The following ITGAV variants were observed in gnomAD, a reference collection of about 807,000 sequenced individuals.
The protein encoded by ITGAV is integrin subunit alpha V.
A neutral mutation model predicts 143.8 loss-of-function variants in ITGAV; 76 were observed. The observed-to-expected ratio is 0.53, with a 90% CI of 0.44 to 0.64. ITGAV has a LOEUF of 0.64. ITGAV is among the 30% of genes least tolerant of loss of function. ITGAV has a pLI of 0.00. For missense variants in ITGAV, 1,193 were observed against 1,274.7 expected (o/e 0.94, Z 0.98); for synonymous variants, 453 against 446.7 (o/e 1.01, Z -0.18).
At chr2:186,631,670 A>G (rs1029122540) in intron 5 of ITGAV, among the ~76,000 whole-genome samples, 6 of 152,188 alleles carry the variant, frequency 3.9e-5, no homozygotes, top group Non-Finnish European at 1.5e-5. Flanking sequence ...GAGTGCCTTA[A>G]ATGTATGAAA....
chr2:186,608,855 G>T (rs1375306254), intron 2 of ITGAV, among the ~76,000 whole-genome samples: 1 of 151,994 alleles, frequency 6.6e-6, no homozygotes, highest in Non-Finnish European at 1.5e-5. Context: ...TAACTTAACA[G>T]TTATCTGAAA....
At position 186,636,223 on chromosome 2, in the gene ITGAV, A is replaced by C. The variant is rs61765168; in HGVS notation, c.757+16A>C. On this transcript the variant is annotated intron_variant, in intron 7 of 29. Coordinates refer to ENST00000261023, the MANE Select transcript of ITGAV (RefSeq NM_002210.5). Reference sequence around the variant, plus strand: ...AGCTATTTGGGTAGGTAAAACCAAAATTTACTCATTTTTGGAACTGTGGTA... The same window carrying C: ...AGCTATTTGGGTAGGTAAAACCAAACTTTACTCATTTTTGGAACTGTGGTA... 12 of 1,603,728 alleles carry C rather than the reference A, an allele frequency of 7.5e-6. No homozygotes were observed. Among genetic ancestry groups the C allele is most frequent in the Non-Finnish European group, 7.7e-6 (9 of 1,176,046 alleles).
intron 1 of ITGAV, 55 bp from the exon 2 acceptor site, chr2:186,601,965 GA>G (rs1231747236): frequency 2.3e-5 from 36 of 1,538,332 alleles, no homozygotes; most frequent in Non-Finnish European, 3.1e-5. Flanking sequence ...TAAATCAGAA[GA>G]TATTGCTTAC....
chr2:186,633,410 A>G lies in ITGAV; in HGVS notation c.631+36A>G, dbSNP rs368508183. On this transcript the variant is annotated intron_variant, in intron 6 of 29. Transcript: ENST00000261023. ...ATTTTTTAAATTACAATTGGTGACT[A>G]TGTGTCGCTGATTCACCTGGCTAAT... The G allele has an allele frequency of 2.2e-5, 28 of 1,298,936 alleles. No individual in the cohort carries two copies. The East Asian group carries it at 2.6e-4, about 12-fold the overall frequency. The allele number at this position is 1,298,936 out of a possible 1,614,324, so 80.5% of individuals were successfully genotyped here.
At chr2:186,620,723 A>C (rs778567581) in intron 2 of ITGAV, among the ~76,000 whole-genome samples, 8 of 152,190 alleles carry the variant, frequency 5.3e-5, no homozygotes, top group Non-Finnish European at 8.8e-5. Context: ...TGATCACACT[A>C]CTGCCCTCCA....
chr2:186,634,865 G>A (rs1264319623), intron 6 of ITGAV, among the ~76,000 whole-genome samples: 1 of 152,092 alleles, frequency 6.6e-6, no homozygotes, highest in African/African-American at 2.4e-5. Context: ...TCAGTGGAGG[G>A]GAAGGAAGTA....
chr2:186,632,123 G>A (rs1476594033), intron 5 of ITGAV, among the ~76,000 whole-genome samples: 1 of 151,694 alleles, frequency 6.6e-6, no homozygotes, highest in Non-Finnish European at 1.5e-5. Flanking sequence ...CTTCTTACTA[G>A]GTAACTTGTT....
At position 186,665,182 on chromosome 2, in the gene ITGAV, A is replaced by G. The variant is rs1368857412; in HGVS notation, c.2130A>G (p.Val710=). The change falls in exon 21 of 30, where the codon GTA becomes GTG. Residue 710 remains valine (V), a synonymous_variant. Transcript: ENST00000261023. Reference sequence around the variant, plus strand: ...CAGAAAACCAAACTCGCCAGGTGGTATGTGACCTTGGAAACCCAATGAAGG... The same window carrying G: ...CAGAAAACCAAACTCGCCAGGTGGTGTGTGACCTTGGAAACCCAATGAAGG... The part of the protein sequence containing the change: ...FKTENQTRQV[V]CDLGNPMKAG... 4 of 1,611,788 alleles carry G rather than the reference A, an allele frequency of 2.5e-6. No individual in the cohort carries two copies. The highest frequency in any genetic ancestry group is 2.2e-5 in the South Asian group (2 of 91,038).
Position 186,676,951 on chromosome 2 carries a change from A to G in ITGAV, c.3051+16A>G. 6.2e-7 allele frequency: 1 copy of G among 1,610,238 alleles called. No individual in the cohort carries two copies. The highest frequency in any genetic ancestry group is 8.5e-7 in the Non-Finnish European group (1 of 1,178,084). ...AATGTACAGGGTAAGTAACGGACTT[A>G]GAAAGAAGGAGAGAGGGAAAGCAGA... On this transcript the variant is annotated intron_variant, in intron 29 of 29. Transcript: ENST00000261023.
chr2:186,618,149 A>G (rs1411042560), intron 2 of ITGAV, among the ~76,000 whole-genome samples: 2 of 152,190 alleles, frequency 1.3e-5, no homozygotes, highest in South Asian at 2.1e-4. Context: ...TGAAACTTCT[A>G]TGTAATGTTG....
intron 1 of ITGAV, among the ~76,000 whole-genome samples, chr2:186,595,639 T>A (rs1351315746): frequency 6.6e-6 from 1 of 152,086 alleles, no homozygotes. Flanking sequence ...GATGTAAACC[T>A]TAATTTTGAA....
intron 5 of ITGAV, among the ~76,000 whole-genome samples, chr2:186,633,086 A>G (rs992972196): frequency 4.6e-5 from 7 of 151,644 alleles, no homozygotes; most frequent in African/African-American, 7.3e-5. Context: ...AAGATAGCTT[A>G]AAGCCAGGAG....
At chr2:186,598,436 AT>A (rs34986292) in intron 1 of ITGAV, among the ~76,000 whole-genome samples, 2,926 of 117,360 alleles carry the variant, frequency 0.025, 107 homozygotes, top group African/African-American at 0.086. Flanking sequence ...TACTCATAGC[AT>A]TTTTTTTTTT....
Position 186,669,696 on chromosome 2 carries a change from A to G in ITGAV, c.2593-5A>G, listed in dbSNP as rs562634190. ...ACCACCATTTTATTAATGTGATTGC[A>G]TTAGATCTCATCTTTGCAAACAACT... On this transcript the variant is annotated splice_polypyrimidine_tract_variant and splice_region_variant and intron_variant, in intron 25 of 29. Coordinates refer to ENST00000261023, the MANE Select transcript of ITGAV (RefSeq NM_002210.5). The G allele has an allele frequency of 1.2e-6, 2 of 1,603,466 alleles. No individual in the cohort carries two copies. The highest frequency in any genetic ancestry group is 1.3e-5 in the African/African-American group (1 of 74,754).
At chr2:186,605,701 G>A (rs1177086032) in intron 2 of ITGAV, among the ~76,000 whole-genome samples, 1 of 150,060 alleles carries the variant, frequency 6.7e-6, no homozygotes, top group Non-Finnish European at 1.5e-5. Flanking sequence ...TTTTTATATA[G>A]TAAGGAAATA....
intron 21 of ITGAV, among the ~76,000 whole-genome samples, chr2:186,666,283 C>T (rs1688892987): frequency 6.6e-6 from 1 of 152,166 alleles, no homozygotes; most frequent in African/African-American, 2.4e-5. Flanking sequence ...TGGCCCTACT[C>T]ATGCCTTCTT....
Position 186,652,014 on chromosome 2 carries a change from T to C in ITGAV, c.1430T>C (p.Leu477Pro). Residue 477 changes from leucine to proline, a missense_variant, in exon 15 of 30, where the codon CTT becomes CCT. Coordinates refer to ENST00000261023, the MANE Select transcript of ITGAV (RefSeq NM_002210.5). Reference sequence around the variant, plus strand: ...CCAGTTATCACTGTAAATGCTGGTCTTGAAGTGTACCCTAGCATTTTAAAT... The same window carrying C: ...CCAGTTATCACTGTAAATGCTGGTCCTGAAGTGTACCCTAGCATTTTAAAT... Reference protein sequence around the residue: ...ARPVITVNAGLEVYPSILNQD... With the variant: ...ARPVITVNAGPEVYPSILNQD... The C allele has an allele frequency of 6.2e-7, 1 of 1,613,442 alleles. No homozygotes were observed. The highest frequency in any genetic ancestry group is 2.2e-5 in the East Asian group (1 of 44,866).
chr2:186,616,930 A>G (rs1167299877), intron 2 of ITGAV, among the ~76,000 whole-genome samples: 1 of 152,102 alleles, frequency 6.6e-6, no homozygotes, highest in Non-Finnish European at 1.5e-5. Context: ...TAGGAAGTAC[A>G]ACTAAACAAG....
At chr2:186,602,890 A>C (rs992615272) in intron 2 of ITGAV, among the ~76,000 whole-genome samples, 5 of 151,936 alleles carry the variant, frequency 3.3e-5, no homozygotes, top group Non-Finnish European at 5.9e-5. Context: ...AAAAAAAAAA[A>C]AAAAAGCAGT....
Sources: gnomAD v4.1 joint callset for allele counts (sites outside exome capture counted in the v4.1 genomes callset) on GRCh38, gnomAD v4.1.1 for gene constraint, MANE v1.5 for transcripts, NCBI Gene and HGNC (gene_info 2026-07-23, HGNC 2026-07-21) for gene names.